Variants in RYR2 observed in about 807,000 individuals in gnomAD.
RYR2 encodes the protein ryanodine receptor 2.
Under a neutral mutation model 601.1 loss-of-function variants are expected in RYR2, and 227 were observed. The observed-to-expected ratio is 0.38, with a 90% confidence interval of 0.34 to 0.42. RYR2 has a LOEUF of 0.42. RYR2 is among the 10% of genes least tolerant of loss of function. The probability of loss-of-function intolerance (pLI) is 1.00; values close to 1 mark genes in which losing one functional copy is unlikely to be tolerated. For synonymous variants in RYR2, 2,223 were observed against 2,175.1 expected (o/e 1.02, Z -0.61); for missense variants, 4,646 against 6,156.5 (o/e 0.75, Z 8.21).
At position 237,593,574 on chromosome 1, in the gene RYR2, C is replaced by A. The variant is rs1163174459; in HGVS notation, c.4374C>A (p.Asp1458Glu). ...SDFHQYDTGF[D>E]LDRVRTVTVT... Reference sequence around the variant, plus strand: ...TCCATCAGTATGACACAGGCTTTGACTTGGACAGAGTTCGCACAGTAACAG... The same window carrying A: ...TCCATCAGTATGACACAGGCTTTGAATTGGACAGAGTTCGCACAGTAACAG... Residue 1458 changes from aspartate (D) to glutamate (E), a missense_variant, in exon 33 of 105, where the codon GAC becomes GAA. By Grantham distance (45) the Asp-to-Glu change is conservative. Transcript: ENST00000366574. 1.9e-6 allele frequency: 3 copies of A among 1,613,734 alleles called. No individual in the cohort carries two copies. Among genetic ancestry groups the A allele is most frequent in the South Asian group, 1.1e-5 (1 of 91,074 alleles).
chr1:237,739,430 G>C (rs1691422681), intron 79 of RYR2, among the ~76,000 whole-genome samples: 2 of 152,082 alleles, frequency 1.3e-5, no homozygotes. Flanking sequence ...ACTATTTGAA[G>C]CTGCTTCACC....
intron 1 of RYR2, among the ~76,000 whole-genome samples, chr1:237,104,349 C>T (rs1668441208): frequency 6.6e-6 from 1 of 152,138 alleles, no homozygotes; most frequent in Non-Finnish European, 1.5e-5. Flanking sequence ...GCACCTCCTC[C>T]TGCCTGCCCT....
At chr1:237,570,815 A>G (rs969234640) in intron 29 of RYR2, among the ~76,000 whole-genome samples, 2 of 152,202 alleles carry the variant, frequency 1.3e-5, no homozygotes, top group African/African-American at 4.8e-5. Context: ...ACAAGACAGT[A>G]TCTGATACAA....
intron 19 of RYR2, 21 bp from the exon 20 acceptor site, chr1:237,496,490 G>A: frequency 1.2e-6 from 2 of 1,607,712 alleles, no homozygotes; most frequent in Non-Finnish European, 1.7e-6. Context: ...TTCCTTACAT[G>A]TGATTCCCGT....
At chr1:237,120,542 A>G (rs1426649783) in intron 1 of RYR2, among the ~76,000 whole-genome samples, 1 of 152,154 alleles carries the variant, frequency 6.6e-6, no homozygotes, top group Non-Finnish European at 1.5e-5. Flanking sequence ...GATGGGTATG[A>G]TCTTGGTTTC....
intron 1 of RYR2, among the ~76,000 whole-genome samples, chr1:237,265,631 AT>A (rs1412094535): frequency 6.6e-6 from 1 of 151,984 alleles, no homozygotes; most frequent in Non-Finnish European, 1.5e-5. Context: ...CTGCTCAAGG[AT>A]TTTTTGGCTT....
intron 1 of RYR2, among the ~76,000 whole-genome samples, chr1:237,162,852 T>C (rs1031275006): frequency 3.3e-5 from 5 of 152,078 alleles, no homozygotes; most frequent in African/African-American, 1.2e-4. Context: ...CTGCTGTTCA[T>C]AGAGTTAGAA....
chr1:237,549,304 G>T (rs1467122604), intron 26 of RYR2, among the ~76,000 whole-genome samples: 2 of 152,204 alleles, frequency 1.3e-5, no homozygotes, highest in African/African-American at 4.8e-5. Context: ...GCTGGGCGGG[G>T]TGGCTCACAC....
chr1:237,354,279 C>T (rs1221268739), intron 3 of RYR2, among the ~76,000 whole-genome samples: 1 of 152,018 alleles, frequency 6.6e-6, no homozygotes, highest in Non-Finnish European at 1.5e-5. Flanking sequence ...GTAACTATGA[C>T]TCTTGATTAT....
intron 1 of RYR2, among the ~76,000 whole-genome samples, chr1:237,171,094 T>C (rs1022084421): frequency 2.0e-5 from 3 of 151,798 alleles, no homozygotes; most frequent in South Asian, 2.1e-4. Context: ...ATTAGTTGGG[T>C]GTGGTGGTGG....
intron 5 of RYR2, among the ~76,000 whole-genome samples, chr1:237,368,531 T>C (rs1700379586): frequency 6.6e-6 from 1 of 152,184 alleles, no homozygotes; most frequent in Admixed American, 6.5e-5. Flanking sequence ...AAGTAGTCTC[T>C]GGACCAACGG....
At chr1:237,183,151 TCAC>T (rs1678974042) in intron 1 of RYR2, among the ~76,000 whole-genome samples, 1 of 152,182 alleles carries the variant, frequency 6.6e-6, no homozygotes, top group Non-Finnish European at 1.5e-5. Flanking sequence ...AAGCTATAAG[TCAC>T]CACCAATCCT....
chr1:237,312,509 G>A (rs530686434), intron 2 of RYR2, among the ~76,000 whole-genome samples: 24 of 152,282 alleles, frequency 1.6e-4, no homozygotes, highest in African/African-American at 3.8e-4. Flanking sequence ...TTTCCAGGGC[G>A]AAGATGACAT....
intron 1 of RYR2, among the ~76,000 whole-genome samples, chr1:237,137,451 G>A (rs1389467329): frequency 1.3e-5 from 2 of 152,222 alleles, no homozygotes; most frequent in Non-Finnish European, 1.5e-5. Flanking sequence ...ATTTCTTGGT[G>A]AGGAGGAAGA....
chr1:237,702,916 T>G (rs1397698890), intron 66 of RYR2, among the ~76,000 whole-genome samples: 1 of 152,090 alleles, frequency 6.6e-6, no homozygotes, highest in Admixed American at 6.5e-5. Context: ...TTGGGTTTAC[T>G]CTGAACATTT....
chr1:237,286,826 C>G (rs913594145), intron 2 of RYR2, among the ~76,000 whole-genome samples: 1 of 151,902 alleles, frequency 6.6e-6, no homozygotes, highest in Non-Finnish European at 1.5e-5. Context: ...ATGTGAGGTA[C>G]CCTTGCATTC....
intron 24 of RYR2, among the ~76,000 whole-genome samples, chr1:237,524,106 G>A (rs2779351): frequency 0.5 from 75,870 of 152,050 alleles, 19,138 homozygotes; most frequent in East Asian, 0.58. Context: ...AGATTTACAC[G>A]TAAATGTTCA....
intron 79 of RYR2, among the ~76,000 whole-genome samples, chr1:237,738,685 A>T (rs1005555454): frequency 6.6e-6 from 1 of 150,632 alleles, no homozygotes; most frequent in Admixed American, 6.6e-5. Context: ...GTTGGAGTTC[A>T]TTTTTTTTTA....
intron 1 of RYR2, among the ~76,000 whole-genome samples, chr1:237,097,376 G>A (rs528780367): frequency 2.0e-5 from 3 of 152,288 alleles, no homozygotes; most frequent in East Asian, 1.9e-4. Context: ...TCATTCTTGT[G>A]TATTAATTTT....
Sources: gnomAD v4.1 joint callset for allele counts (sites outside exome capture counted in the v4.1 genomes callset) on GRCh38, gnomAD v4.1.1 for gene constraint, MANE v1.5 for transcripts, NCBI Gene and HGNC (gene_info 2026-07-23, HGNC 2026-07-21) for gene names.